Variants in LYST observed in about 807,000 individuals in gnomAD.
The protein encoded by LYST is lysosomal trafficking regulator.
LYST carries 192 observed loss-of-function variants against 413.6 expected under a neutral mutation model. The observed-to-expected ratio is 0.46, with a 90% confidence interval of 0.41 to 0.52. The LOEUF is 0.52. Among genes scored for constraint, LYST ranks in the 20% least tolerant of loss-of-function variants. LYST has a pLI of 0.00. For synonymous variants in LYST, 1,525 were observed against 1,567.3 expected (o/e 0.97, Z 0.64); for missense variants, 3,815 against 4,499.9 (o/e 0.85, Z 4.35).
intron 1 of LYST, among the ~76,000 whole-genome samples, chr1:235,834,150 A>G (rs1030785739): frequency 6.6e-6 from 1 of 152,176 alleles, no homozygotes; most frequent in Admixed American, 6.5e-5. Context: ...ATCAAATTTC[A>G]TATCTTTATT....
intron 1 of LYST, among the ~76,000 whole-genome samples, chr1:235,836,420 A>C (rs1676581188): frequency 6.6e-6 from 1 of 152,210 alleles, no homozygotes; most frequent in Non-Finnish European, 1.5e-5. Flanking sequence ...GAGTGACAGG[A>C]ATGCTGTTTC....
chr1:235,774,407 G>C (rs1439175708), intron 18 of LYST, among the ~76,000 whole-genome samples: 1 of 152,156 alleles, frequency 6.6e-6, no homozygotes, highest in African/African-American at 2.4e-5. Flanking sequence ...GTCTCAGAGA[G>C]AAATATTTCC....
chr1:235,784,912 G>A (rs977256960), intron 14 of LYST, among the ~76,000 whole-genome samples: 2 of 152,188 alleles, frequency 1.3e-5, no homozygotes, highest in African/African-American at 4.8e-5. Flanking sequence ...ATGGAACATG[G>A]AAATTAGGCT....
chr1:235,746,557 A>G lies in LYST; in HGVS notation c.7781-30T>C, dbSNP rs1439059961. 4 of 1,518,402 alleles carry G rather than the reference A, an allele frequency of 2.6e-6. No homozygotes were observed. In the Admixed American group the frequency reaches 6.9e-5, roughly 26 times the overall value. 94.1% of individuals were successfully genotyped at this position (1,518,402 alleles called of 1,614,324 possible). On this transcript the variant is annotated intron_variant, in intron 28 of 52. Coordinates refer to ENST00000389793, the MANE Select transcript of LYST (RefSeq NM_000081.4). ...AAAAGTATATAAATTAAAACATCAA[A>G]TCCCAGTGTTAATAAGGATCAAGGA...
intron 48 of LYST, among the ~76,000 whole-genome samples, chr1:235,680,200 T>C (rs1328718923): frequency 6.6e-6 from 1 of 152,194 alleles, no homozygotes; most frequent in African/African-American, 2.4e-5. Context: ...TCTGAACAAC[T>C]TTTTTAAGAA....
chr1:235,710,941 G>A lies in LYST; in HGVS notation c.9925+1116C>T, dbSNP rs7514727. ...CACTGACATTGCATGAAGAGAGGGT[G>A]ATGTGCTCCAGCTGCCTAAGGCTTC... is the stretch of plus-strand genomic sequence containing the variant. On this transcript the variant is annotated intron_variant, in intron 43 of 52. Transcript: ENST00000389793. 2.7e-3 allele frequency among the ~76,000 whole-genome samples: 410 copies of A among 152,296 alleles called. 2 individuals are homozygous for A. The highest frequency in any genetic ancestry group is 9.4e-3 in the African/African-American group (391 of 41,550).
At chr1:235,742,053 G>C (rs1665449781) in intron 30 of LYST, among the ~76,000 whole-genome samples, 1 of 152,108 alleles carries the variant, frequency 6.6e-6, no homozygotes, top group African/African-American at 2.4e-5. Flanking sequence ...GAGATATCTA[G>C]AACAGTCAAA....
chr1:235,717,707 C>CTT lies in LYST; in HGVS notation c.9561-931_9561-930dup, dbSNP rs57348366. 2.8e-3 allele frequency among the ~76,000 whole-genome samples: 416 copies of CTT among 147,222 alleles called. 2 individuals are homozygous for CTT. Among genetic ancestry groups the CTT allele is most frequent in the African/African-American group, 1.0e-2 (404 of 40,564 alleles). On this transcript the variant is annotated intron_variant, in intron 40 of 52. Transcript: ENST00000389793. ...TCTGCTTAACCACATGTTGATACAT[C>CTT]TTTTTTTTTTTAATATAAATTACTA...
intron 3 of LYST, chr1:235,827,430 A>T (rs1224338940): frequency 1.0e-6 from 1 of 984,208 alleles, no homozygotes; most frequent in Non-Finnish European, 1.2e-6. Context: ...AAGGGCTTAA[A>T]TCACCCCAGA....
intron 1 of LYST, among the ~76,000 whole-genome samples, chr1:235,877,488 C>A (rs1681188858): frequency 6.6e-6 from 1 of 152,152 alleles, no homozygotes; most frequent in African/African-American, 2.4e-5. Flanking sequence ...CTCACTGCAA[C>A]CTCTGCCTCC....
At chr1:235,801,422 C>CA (rs1242202733) in intron 8 of LYST, among the ~76,000 whole-genome samples, 24 of 151,592 alleles carry the variant, frequency 1.6e-4, no homozygotes, top group African/African-American at 5.8e-4. Flanking sequence ...CTGACCCCCC[C>CA]CTCAAATACC....
intron 4 of LYST, 98 bp downstream of exon 4, chr1:235,812,873 G>A (rs1168414918): frequency 2.0e-5 from 15 of 758,496 alleles, no homozygotes; most frequent in Non-Finnish European, 3.6e-5. Flanking sequence ...ATAACATATA[G>A]TGTTCTGAAT....
chr1:235,687,180 T>C (rs1571996427), intron 47 of LYST, 133 bp from the exon 48 acceptor site: 1 of 683,130 alleles, frequency 1.5e-6, no homozygotes, highest in Non-Finnish European at 2.6e-6. Flanking sequence ...TCAAAAATGT[T>C]AGGTAAACAT....
chr1:235,717,267 A>G (rs912719451), intron 40 of LYST, among the ~76,000 whole-genome samples: 2 of 152,354 alleles, frequency 1.3e-5, no homozygotes, highest in African/African-American at 4.8e-5. Flanking sequence ...ACGTGCTTAA[A>G]ATGACCAAGC....
At chr1:235,813,113 A>G in intron 3 of LYST, 52 bp from the exon 4 acceptor site, 1 of 1,031,796 alleles carries the variant, frequency 9.7e-7, no homozygotes, top group Non-Finnish European at 1.5e-6. Context: ...AAGACACATC[A>G]GTTCCTAATG....
intron 1 of LYST, among the ~76,000 whole-genome samples, chr1:235,841,886 C>A (rs964678392): frequency 6.6e-6 from 1 of 151,916 alleles, no homozygotes; most frequent in East Asian, 1.9e-4. Flanking sequence ...AGATTGGGGG[C>A]TAAAGGCTAA....
At chr1:235,835,918 T>C (rs1676521003) in intron 1 of LYST, among the ~76,000 whole-genome samples, 1 of 152,166 alleles carries the variant, frequency 6.6e-6, no homozygotes, top group Admixed American at 6.5e-5. Context: ...TCTAACTTTA[T>C]CACTATAATT....
rs561863003 is a variant in LYST at position 235,856,713 on chromosome 1, A to T, written c.-98+10130T>A. ...TTTAGAAACATTCTCCAAAATGTTT[A>T]AATAAGGCTAATAGAGAAATATTTC... is the stretch of plus-strand genomic sequence containing the variant. On this transcript the variant is annotated intron_variant, in intron 1 of 52. Coordinates refer to ENST00000389793, the MANE Select transcript of LYST (RefSeq NM_000081.4). Among the ~76,000 whole-genome samples, 8 of 152,340 alleles carry T rather than the reference A, an allele frequency of 5.3e-5. No individual in the cohort carries two copies. In the East Asian group the frequency reaches 1.5e-3, roughly 29 times the overall value.
chr1:235,687,789 C>T (rs1354507377), intron 47 of LYST, among the ~76,000 whole-genome samples: 1 of 152,160 alleles, frequency 6.6e-6, no homozygotes, highest in African/African-American at 2.4e-5. Flanking sequence ...CTCCTCTGCA[C>T]CTCAACATGT....
Sources: gnomAD v4.1 joint callset for allele counts (sites outside exome capture counted in the v4.1 genomes callset) on GRCh38, gnomAD v4.1.1 for gene constraint, MANE v1.5 for transcripts, NCBI Gene and HGNC (gene_info 2026-07-23, HGNC 2026-07-21) for gene names.